BMP6: variants seen among roughly 807,000 people sequenced by gnomAD.
The protein encoded by BMP6 is VG-1-R.
Under a neutral mutation model 54.1 loss-of-function variants are expected in BMP6, and 17 were observed. The observed-to-expected ratio is 0.31, with a 90% CI of 0.22 to 0.47. The LOEUF (loss-of-function observed/expected upper bound fraction) is 0.47. BMP6 is among the 20% of genes least tolerant of loss of function. The pLI is 1.00. For synonymous variants in BMP6, 328 were observed against 291.2 expected (o/e 1.13, Z -1.28); for missense variants, 720 against 690.4 (o/e 1.04, Z -0.48).
chr6:7,825,537 A>G (rs950888075), intron 1 of BMP6, among the ~76,000 whole-genome samples: 5 of 151,956 alleles, frequency 3.3e-5, no homozygotes, highest in African/African-American at 1.2e-4. Flanking sequence ...CCTGACCAAT[A>G]TGGTGAAACC....
chr6:7,739,336 C>G (rs1468436796), intron 1 of BMP6, among the ~76,000 whole-genome samples: 1 of 152,152 alleles, frequency 6.6e-6, no homozygotes, highest in East Asian at 1.9e-4. Flanking sequence ...CCAATTTACC[C>G]CTGACATTTT....
At chr6:7,831,278 T>C (rs1400939082) in intron 1 of BMP6, among the ~76,000 whole-genome samples, 1 of 152,214 alleles carries the variant, frequency 6.6e-6, no homozygotes, top group Non-Finnish European at 1.5e-5. Context: ...CACAGAATGA[T>C]GGTTGTTACC....
chr6:7,778,731 C>A (rs1235692707), intron 1 of BMP6, among the ~76,000 whole-genome samples: 1 of 152,178 alleles, frequency 6.6e-6, no homozygotes, highest in Admixed American at 6.5e-5. Context: ...TATGAAGTGA[C>A]TTCTGAAAGT....
At chr6:7,788,717 GT>G (rs1448606362) in intron 1 of BMP6, among the ~76,000 whole-genome samples, 33 of 152,250 alleles carry the variant, frequency 2.2e-4, no homozygotes. Flanking sequence ...GAGTGACTTT[GT>G]TTTTAAAATT....
intron 1 of BMP6, among the ~76,000 whole-genome samples, chr6:7,776,764 C>G (rs551395494): frequency 9.2e-5 from 14 of 152,334 alleles, no homozygotes; most frequent in African/African-American, 3.1e-4. Context: ...AATTTTCCCA[C>G]GTCAGTGCCC....
chr6:7,832,234 A>G (rs1758803588), intron 1 of BMP6, among the ~76,000 whole-genome samples: 1 of 152,220 alleles, frequency 6.6e-6, no homozygotes, highest in Non-Finnish European at 1.5e-5. Context: ...AATTACTGCA[A>G]TAGACCGAAT....
chr6:7,830,577 G>A (rs927208793), intron 1 of BMP6, among the ~76,000 whole-genome samples: 5 of 152,176 alleles, frequency 3.3e-5, no homozygotes, highest in Admixed American at 1.3e-4. Context: ...GAGTGTATTA[G>A]TCCATTTTCA....
intron 2 of BMP6, among the ~76,000 whole-genome samples, chr6:7,858,182 C>T (rs182320723): frequency 1.3e-5 from 2 of 152,262 alleles, no homozygotes; most frequent in East Asian, 3.9e-4. Flanking sequence ...TCCCCGGACT[C>T]AGGTGATCCT....
intron 4 of BMP6, among the ~76,000 whole-genome samples, chr6:7,870,219 G>A (rs1209249917): frequency 6.6e-6 from 1 of 152,216 alleles, no homozygotes; most frequent in East Asian, 1.9e-4. Context: ...CAGAGCCATG[G>A]CTGGACCTGA....
chr6:7,806,516 A>G (rs2113204429), intron 1 of BMP6, among the ~76,000 whole-genome samples: 1 of 152,276 alleles, frequency 6.6e-6, no homozygotes. Flanking sequence ...AATTGCGTGA[A>G]TGTATTCTAT....
intron 4 of BMP6, among the ~76,000 whole-genome samples, chr6:7,875,318 A>G (rs971016615): frequency 6.6e-6 from 1 of 152,066 alleles, no homozygotes; most frequent in African/African-American, 2.4e-5. Flanking sequence ...GGTCTATTTT[A>G]CTCAGTCTAC....
At chr6:7,797,718 A>T (rs1477780960) in intron 1 of BMP6, among the ~76,000 whole-genome samples, 1 of 152,160 alleles carries the variant, frequency 6.6e-6, no homozygotes, top group Non-Finnish European at 1.5e-5. Flanking sequence ...GTGCCAGGAG[A>T]TGGCTTGGTT....
At chr6:7,862,013 C>T (rs1759342907) in intron 3 of BMP6, among the ~76,000 whole-genome samples, 2 of 152,186 alleles carry the variant, frequency 1.3e-5, no homozygotes, top group South Asian at 2.1e-4. Flanking sequence ...ATCTGTCCAC[C>T]AGGGAGGGCA....
intron 1 of BMP6, among the ~76,000 whole-genome samples, chr6:7,728,091 CTT>C (rs1421768177): frequency 1.3e-5 from 2 of 152,102 alleles, no homozygotes; most frequent in African/African-American, 4.8e-5. Flanking sequence ...CCCACCGAGA[CTT>C]TTAGGGAATC....
At chr6:7,730,803 A>G (rs142715091) in intron 1 of BMP6, among the ~76,000 whole-genome samples, 259 of 152,332 alleles carry the variant, frequency 1.7e-3, no homozygotes, top group Non-Finnish European at 6.5e-4. Flanking sequence ...TGACTCATCT[A>G]TTAAAGAATC....
At chr6:7,745,783 G>A (rs1046841533) in intron 1 of BMP6, among the ~76,000 whole-genome samples, 1 of 151,772 alleles carries the variant, frequency 6.6e-6, no homozygotes, top group African/African-American at 2.4e-5. Context: ...CCCAAACAGA[G>A]CATGATGGTA....
chr6:7,803,400 T>C (rs920538265), intron 1 of BMP6, among the ~76,000 whole-genome samples: 1 of 152,206 alleles, frequency 6.6e-6, no homozygotes, highest in African/African-American at 2.4e-5. Flanking sequence ...ATTAATGGTC[T>C]CTGTGGGTTA....
chr6:7,752,054 A>G (rs910048884), intron 1 of BMP6, among the ~76,000 whole-genome samples: 19 of 152,200 alleles, frequency 1.2e-4, no homozygotes, highest in South Asian at 2.1e-4. Context: ...CTTTCTACTC[A>G]GTGGAATAAT....
intron 4 of BMP6, among the ~76,000 whole-genome samples, chr6:7,876,747 A>G (rs997169691): frequency 1.3e-5 from 2 of 152,100 alleles, no homozygotes; most frequent in Non-Finnish European, 1.5e-5. Context: ...GTTATTTTCA[A>G]TGGTTATGGT....
Sources: gnomAD v4.1 joint callset for allele counts (sites outside exome capture counted in the v4.1 genomes callset) on GRCh38, gnomAD v4.1.1 for gene constraint, MANE v1.5 for transcripts, NCBI Gene and HGNC (gene_info 2026-07-23, HGNC 2026-07-21) for gene names.